Variants in PILRA observed in about 807,000 individuals in gnomAD.
The protein encoded by PILRA is paired immunoglobulin-like type 2 receptor alpha.
Under a neutral mutation model 33.1 loss-of-function variants are expected in PILRA, and 37 were observed. The observed-to-expected ratio is 1.12, with a 90% CI of 0.86 to 1.47. PILRA has a LOEUF of 1.47. PILRA is among the 40% of genes most tolerant of loss of function. The probability of loss-of-function intolerance (pLI) is 0.00; values close to 1 mark genes in which losing one functional copy is unlikely to be tolerated. For missense variants in PILRA, 312 were observed against 376.2 expected (o/e 0.83, Z 1.41); for synonymous variants, 146 against 149.9 (o/e 0.97, Z 0.19).
At chr7:100,383,296 A>T (rs1791161662) in intron 2 of PILRA, among the ~76,000 whole-genome samples, 1 of 152,166 alleles carries the variant, frequency 6.6e-6, no homozygotes, top group Non-Finnish European at 1.5e-5. Context: ...CTGGAGTCAG[A>T]AGTTGTTACA....
At chr7:100,397,829 G>T (rs758767723) in intron 3 of PILRA, 50 bp from the exon 4 acceptor site, 11 of 1,597,816 alleles carry the variant, frequency 6.9e-6, no homozygotes, top group Middle Eastern at 2.1e-4. Context: ...GTGGGATGGA[G>T]ACTGCCATCA....
intron 2 of PILRA, among the ~76,000 whole-genome samples, chr7:100,376,592 C>G (rs774359913): frequency 6.8e-6 from 1 of 147,290 alleles, no homozygotes; most frequent in African/African-American, 2.5e-5. Context: ...AAGCGATTCT[C>G]CCGCTCAGCC....
chr7:100,399,041 T>A (rs988983487), intron 4 of PILRA, among the ~76,000 whole-genome samples: 1 of 151,982 alleles, frequency 6.6e-6, no homozygotes, highest in Non-Finnish European at 1.5e-5. Flanking sequence ...TGGGCTCAAG[T>A]GATCCTCCCA....
At chr7:100,372,294 A>AAGGG (rs1790834191), upstream of PILRA, among the ~76,000 whole-genome samples, 1 of 140,804 alleles carries the variant, frequency 7.1e-6, no homozygotes, top group Admixed American at 7.0e-5. Context: ...CAGGCCTGTA[A>AAGGG]AGGGAGGGAG....
intron 2 of PILRA, among the ~76,000 whole-genome samples, chr7:100,375,611 A>T (rs1165962152): frequency 6.6e-6 from 1 of 152,196 alleles, no homozygotes; most frequent in African/African-American, 2.4e-5. Context: ...GCATGCCTGT[A>T]ATCCTAGCTA....
rs780558694 is a variant in PILRA, at chr7:100,399,946, G to C, written c.*39G>C. 1 of 1,546,780 alleles carries C rather than the reference G, an allele frequency of 6.5e-7. No homozygotes were observed. The highest frequency in any genetic ancestry group is 2.0e-5 in the Admixed American group (1 of 49,990). ...CTCTCAAGACTGAATGGTGAGGCCA[G>C]GTACAGTGGCGCACACCTGTAATCC... is the stretch of plus-strand genomic sequence containing the variant. On this transcript the variant is annotated 3_prime_UTR_variant, in exon 7 of 7. Transcript: ENST00000198536.
intron 2 of PILRA, among the ~76,000 whole-genome samples, chr7:100,383,861 T>A (rs1307060160): frequency 6.6e-6 from 1 of 152,146 alleles, no homozygotes; most frequent in Non-Finnish European, 1.5e-5. Context: ...GGTCTCGAAC[T>A]GTTGACTTCA....
intron 2 of PILRA, among the ~76,000 whole-genome samples, chr7:100,387,271 T>C (rs545912733): frequency 6.6e-6 from 1 of 152,330 alleles, no homozygotes; most frequent in South Asian, 2.1e-4. Context: ...TGGGGTACAG[T>C]AGCATGATCT....
rs370422630 is a variant in PILRA, at chr7:100,373,663, C to A, written c.7C>A (p.Arg3=). The A allele has an allele frequency of 7.4e-6, 12 of 1,613,480 alleles. No individual in the cohort carries two copies. Among genetic ancestry groups the A allele is most frequent in the South Asian group, 2.2e-5 (2 of 91,088 alleles). The part of the protein sequence containing the change: MG[R]PLLLPLLPLL... ...CCTGGAGAAGAACAAGGCCATGGGT[C>A]GGCCCCTGCTGCTGCCCCTACTGCC... is the stretch of plus-strand genomic sequence containing the variant. Residue 3 remains arginine, a synonymous_variant, in exon 1 of 7, where the codon CGG becomes AGG. Coordinates refer to ENST00000198536, the MANE Select transcript of PILRA (RefSeq NM_013439.3).
intron 2 of PILRA, among the ~76,000 whole-genome samples, chr7:100,379,291 A>G (rs1467615079): frequency 2.0e-5 from 3 of 151,688 alleles, no homozygotes; most frequent in Non-Finnish European, 4.4e-5. Flanking sequence ...GAGGCAGGAG[A>G]ATCCCTTGAA....
At position 100,386,536 on chromosome 7, in the gene PILRA, G is replaced by C. The variant is rs117326834; in HGVS notation, c.455-3352G>C. ...AACAAAACACAAAAATTTTGGTTTT[G>C]AGACAGGGTCTCTCTCTGTTGCCCA... On this transcript the variant is annotated intron_variant, in intron 2 of 6. Coordinates refer to ENST00000198536, the MANE Select transcript of PILRA (RefSeq NM_013439.3). 4.5e-3 allele frequency among the ~76,000 whole-genome samples: 683 copies of C among 151,846 alleles called. 5 individuals are homozygous for C. The highest frequency in any genetic ancestry group is 6.5e-3 in the Non-Finnish European group (439 of 67,916).
At chr7:100,378,395 C>T (rs1386147154) in intron 2 of PILRA, among the ~76,000 whole-genome samples, 16 of 151,938 alleles carry the variant, frequency 1.1e-4, no homozygotes, top group Non-Finnish European at 7.4e-5. Context: ...TTGTTGCCTG[C>T]CTGTTCCTTC....
intron 2 of PILRA, chr7:100,376,489 T>TTG (rs1790951704): frequency 6.6e-6 from 1 of 150,810 alleles, no homozygotes; most frequent in Non-Finnish European, 1.5e-5. Flanking sequence ...AGTGTTTTTT[T>TTG]TTTTTTTTTT....
chr7:100,393,111 C>T (rs960180139), intron 3 of PILRA, among the ~76,000 whole-genome samples: 7 of 152,198 alleles, frequency 4.6e-5, no homozygotes, highest in African/African-American at 1.7e-4. Flanking sequence ...GAAACCCCGT[C>T]TCTACTAGAA....
chr7:100,397,613 A>G (rs1373153484), intron 3 of PILRA, among the ~76,000 whole-genome samples: 1 of 152,006 alleles, frequency 6.6e-6, no homozygotes, highest in African/African-American at 2.4e-5. Flanking sequence ...GTTGGGGCTG[A>G]GCAGAGAGCT....
chr7:100,373,788 G>A (rs1790875605), intron 1 of PILRA, 68 bp downstream of exon 1: 4 of 1,592,702 alleles, frequency 2.5e-6, no homozygotes, highest in African/African-American at 2.7e-5. Flanking sequence ...CCGAGACAAA[G>A]GTGGGACATC....
At chr7:100,382,827 A>C (rs1271459658) in intron 2 of PILRA, among the ~76,000 whole-genome samples, 3 of 152,240 alleles carry the variant, frequency 2.0e-5, no homozygotes, top group East Asian at 3.8e-4. Context: ...TCTGGAAGCC[A>C]GCGAGACCAC....
intron 2 of PILRA, among the ~76,000 whole-genome samples, chr7:100,388,186 A>G (rs1563120137): frequency 6.6e-6 from 1 of 152,180 alleles, no homozygotes; most frequent in Non-Finnish European, 1.5e-5. Context: ...CAATCAAGAC[A>G]TAGCATTTAC....
At chr7:100,384,219 G>A (rs1332379712) in intron 2 of PILRA, among the ~76,000 whole-genome samples, 1 of 151,948 alleles carries the variant, frequency 6.6e-6, no homozygotes, top group Non-Finnish European at 1.5e-5. Flanking sequence ...TTTACTGAGT[G>A]GGGGAAACGG....
Sources: gnomAD v4.1 joint callset for allele counts (sites outside exome capture counted in the v4.1 genomes callset) on GRCh38, gnomAD v4.1.1 for gene constraint, MANE v1.5 for transcripts, NCBI Gene and HGNC (gene_info 2026-07-23, HGNC 2026-07-21) for gene names.